NDUFAF5: variants seen among roughly 807,000 people sequenced by gnomAD.
NDUFAF5 encodes arginine-hydroxylase NDUFAF5, mitochondrial.
In NDUFAF5, 34 loss-of-function variants were observed where a neutral mutation model predicts 48.9. The ratio of observed to expected loss-of-function variants is 0.70; its 90% CI spans 0.53 to 0.93. NDUFAF5 has a LOEUF of 0.93. NDUFAF5 is among the 40% of genes least tolerant of loss of function. The probability of loss-of-function intolerance (pLI) is 0.00; values close to 1 mark genes in which losing one functional copy is unlikely to be tolerated. For synonymous variants in NDUFAF5, 153 were observed against 150.6 expected (o/e 1.02, Z -0.12); for missense variants, 428 against 427.5 (o/e 1.00, Z -0.01).
rs149455989 is a variant in NDUFAF5 at position 13,804,251 on chromosome 20, C to T, written c.717+2568C>T. Among the ~76,000 whole-genome samples, 785 of 152,104 alleles carry T rather than the reference C, an allele frequency of 5.2e-3. 6 individuals carry two copies. The highest frequency in any genetic ancestry group is 7.7e-3 in the Non-Finnish European group (524 of 67,984). The stretch of plus-strand genomic sequence containing the variant: ...TCATGTCTCCTCTAAAATAACCCAT[C>T]GTAGAATAAGAGGTAAAAAGCCAAA... On this transcript the variant is annotated intron_variant, in intron 7 of 10. Coordinates refer to ENST00000378106, the MANE Select transcript of NDUFAF5 (RefSeq NM_024120.5).
Position 13,785,298 on chromosome 20 carries a change from C to CGCGGGGCTGCGGGGCG in NDUFAF5, c.222+15_222+16insTGCGGGGCGGCGGGGC. 1 of 1,040,674 alleles carries CGCGGGGCTGCGGGGCG rather than the reference C, an allele frequency of 9.6e-7. No individual in the cohort carries two copies. The allele number at this position is 1,040,674 out of a possible 1,614,324, so 64.5% of individuals were successfully genotyped here. A position where few individuals can be genotyped will look rare whatever the true frequency, so the allele number is the denominator to read the frequency against. ...GACTACCTGAAGGAGGAGGTGAGCC[C>CGCGGGGCTGCGGGGCG]GCGGGGCGGCGGGGCGGCGGGGCGG... On this transcript the variant is annotated intron_variant, in intron 1 of 10. Coordinates refer to ENST00000378106, the MANE Select transcript of NDUFAF5 (RefSeq NM_024120.5).
chr20:13,814,029 A>G (rs780951530), intron 8 of NDUFAF5: 5 of 191,132 alleles, frequency 2.6e-5, no homozygotes, highest in Non-Finnish European at 5.5e-5. Context: ...TTTATGAGGA[A>G]GGGAAGACTA....
At chr20:13,803,912 A>G (rs1048628343) in intron 7 of NDUFAF5, among the ~76,000 whole-genome samples, 1 of 151,950 alleles carries the variant, frequency 6.6e-6, no homozygotes, top group African/African-American at 2.4e-5. Flanking sequence ...CAGCCTCCCG[A>G]GCAGCTGGGA....
chr20:13,815,597 T>C (rs1477734482), intron 8 of NDUFAF5, among the ~76,000 whole-genome samples: 1 of 152,226 alleles, frequency 6.6e-6, no homozygotes, highest in Non-Finnish European at 1.5e-5. Flanking sequence ...ATTTTTAAAC[T>C]GTGAAAGAAT....
At chr20:13,788,378 C>G (rs1375219502) in intron 2 of NDUFAF5, among the ~76,000 whole-genome samples, 1 of 152,150 alleles carries the variant, frequency 6.6e-6, no homozygotes, top group East Asian at 1.9e-4. Flanking sequence ...GGAAAGCTGG[C>G]TCATCACAAG....
chr20:13,808,791 G>A, intron 7 of NDUFAF5, 51 bp from the exon 8 acceptor site: 1 of 1,301,224 alleles, frequency 7.7e-7, no homozygotes, highest in Non-Finnish European at 1.1e-6. Context: ...TTTAAATCTG[G>A]AATTTTGTAT....
intron 6 of NDUFAF5, among the ~76,000 whole-genome samples, chr20:13,799,264 A>G (rs757112537): frequency 3.3e-5 from 5 of 152,138 alleles, no homozygotes; most frequent in Non-Finnish European, 7.4e-5. Flanking sequence ...TGAAGAGGAA[A>G]ATGACATCAT....
chr20:13,816,158 G>A, intron 8 of NDUFAF5: 1 of 428,936 alleles, frequency 2.3e-6, no homozygotes, highest in Non-Finnish European at 4.4e-6. Flanking sequence ...CTCACCTGGG[G>A]TGGCAGTCAC....
At chr20:13,805,165 T>C (rs1037169128) in intron 7 of NDUFAF5, among the ~76,000 whole-genome samples, 2 of 151,694 alleles carry the variant, frequency 1.3e-5, no homozygotes, top group African/African-American at 4.8e-5. Flanking sequence ...GCTGGGATGG[T>C]GTGGCGATGT....
chr20:13,790,363 T>G (rs1321773557), intron 3 of NDUFAF5, among the ~76,000 whole-genome samples: 1 of 152,152 alleles, frequency 6.6e-6, no homozygotes, highest in Non-Finnish European at 1.5e-5. Flanking sequence ...TTTTATTGAT[T>G]CCTCTTATAT....
chr20:13,787,065 A>G (rs1367535434), intron 1 of NDUFAF5: 80 of 508,242 alleles, frequency 1.6e-4, no homozygotes, highest in South Asian at 2.6e-4. Flanking sequence ...ACATATATAT[A>G]TGTGTGTGTG....
Position 13,785,101 on chromosome 20 carries a change from T to G in NDUFAF5, c.33T>G (p.Cys11Trp). Residue 11 changes from cysteine (C) to tryptophan (W), a missense_variant, in exon 1 of 11, where the codon TGT becomes TGG. Coordinates refer to ENST00000378106, the MANE Select transcript of NDUFAF5 (RefSeq NM_024120.5). MLRPAGLWRL[C>W]RRPWAARVPA... Reference sequence around the variant, plus strand: ...GGCCGGCAGGGCTCTGGCGCTTATGTCGGCGACCTTGGGCGGCGAGGGTCC... The same window carrying G: ...GGCCGGCAGGGCTCTGGCGCTTATGGCGGCGACCTTGGGCGGCGAGGGTCC... 1 of 1,613,338 alleles carries G rather than the reference T, an allele frequency of 6.2e-7. No individual in the cohort carries two copies. The highest frequency in any genetic ancestry group is 1.1e-5 in the South Asian group (1 of 91,050).
chr20:13,819,269 AC>A lies in NDUFAF5; in HGVS notation c.*2060del, dbSNP rs1986816385. ...AGAGCTCATCCTTTTAAGCAATGAA[AC>A]TTTTAAAAGGTCTTTATCAAAAATT... is the stretch of plus-strand genomic sequence containing the variant. On this transcript the variant is annotated 3_prime_UTR_variant, in exon 11 of 11. Coordinates refer to ENST00000378106, the MANE Select transcript of NDUFAF5 (RefSeq NM_024120.5). The A allele has an allele frequency of 6.6e-6, 1 of 152,242 alleles. No homozygotes were observed. The highest frequency in any genetic ancestry group is 1.5e-5 in the Non-Finnish European group (1 of 68,040). The allele number at this position is 152,242 out of a possible 1,614,324, so 9.4% of individuals were successfully genotyped here. A position where few individuals can be genotyped will look rare whatever the true frequency, so the allele number is the denominator to read the frequency against.
At chr20:13,809,145 A>C (rs1352397927) in intron 8 of NDUFAF5, 1 of 542,576 alleles carries the variant, frequency 1.8e-6, no homozygotes, top group African/African-American at 1.9e-5. Flanking sequence ...AATTATGGTC[A>C]GTGCTATGAA....
chr20:13,787,224 T>C (rs2147477713), intron 1 of NDUFAF5, 88 bp from the exon 2 acceptor site: 9 of 1,418,666 alleles, frequency 6.3e-6, no homozygotes, highest in East Asian at 2.3e-5. Context: ...GAAGTACTTA[T>C]TTTAAAACAT....
At position 13,785,201 on chromosome 20, in the gene NDUFAF5, A is replaced by C; in HGVS notation, c.133A>C (p.Asn45His). 1 of 1,613,862 alleles carries C rather than the reference A, an allele frequency of 6.2e-7. No homozygotes were observed. Among genetic ancestry groups the C allele is most frequent in the African/African-American group, 1.3e-5 (1 of 75,060 alleles). ...CGGTAGCACCTCGCCCAGAACCCTGAATATTTTCGACCGGGATTTGAAAAG... is the reference window on the plus strand; with the variant it reads ...CGGTAGCACCTCGCCCAGAACCCTGCATATTTTCGACCGGGATTTGAAAAG... Reference protein sequence around the residue: ...PRGSTSPRTLNIFDRDLKRKQ... With the variant: ...PRGSTSPRTLHIFDRDLKRKQ... Residue 45 changes from asparagine to histidine, a missense_variant, in exon 1 of 11, where the codon AAT (asparagine) becomes CAT (histidine). Physicochemically the swap from Asn to His is moderately conservative, Grantham distance 68 (BLOSUM62 1). Coordinates refer to ENST00000378106, the MANE Select transcript of NDUFAF5 (RefSeq NM_024120.5).
chr20:13,816,880 T>C lies in NDUFAF5; in HGVS notation c.868T>C (p.Tyr290His). 1.2e-6 allele frequency: 2 copies of C among 1,604,458 alleles called. No homozygotes were observed. The highest frequency in any genetic ancestry group is 1.7e-6 in the Non-Finnish European group (2 of 1,171,222). Residue 290 changes from tyrosine to histidine, a missense_variant, in exon 10 of 11, where the codon TAC (tyrosine) becomes CAC (histidine). Coordinates refer to ENST00000378106, the MANE Select transcript of NDUFAF5 (RefSeq NM_024120.5). The part of the protein sequence containing the change: ...LAAAAVYREM[Y>H]RNEDGSVPAT... Reference sequence around the variant, plus strand: ...AACCATTATTGTCTTTTTAGAAATGTACAGAAATGAAGATGGTTCAGTACC... The same window carrying C: ...AACCATTATTGTCTTTTTAGAAATGCACAGAAATGAAGATGGTTCAGTACC...
Position 13,785,129 on chromosome 20 carries a change from G to T in NDUFAF5, c.61G>T (p.Ala21Ser). 1 of 1,613,962 alleles carries T rather than the reference G, an allele frequency of 6.2e-7. No individual in the cohort carries two copies. Among genetic ancestry groups the T allele is most frequent in the Non-Finnish European group, 8.5e-7 (1 of 1,179,980 alleles). The change falls in exon 1 of 11, where the codon GCG (alanine) becomes TCG (serine). Residue 21 changes from alanine (A) to serine (S), a missense_variant. Coordinates refer to ENST00000378106, the MANE Select transcript of NDUFAF5 (RefSeq NM_024120.5). ...GCGACCTTGGGCGGCGAGGGTCCCA[G>T]CGGAGAATCTTGGCCGTAGGGAAGT... The part of the protein sequence containing the change: ...CRRPWAARVP[A>S]ENLGRREVTS...
intron 7 of NDUFAF5, among the ~76,000 whole-genome samples, chr20:13,805,602 C>T (rs893427060): frequency 1.3e-5 from 2 of 151,894 alleles, no homozygotes; most frequent in Non-Finnish European, 2.9e-5. Context: ...TACATTTATC[C>T]TGTGAGGCAT....
Sources: gnomAD v4.1 joint callset for allele counts (sites outside exome capture counted in the v4.1 genomes callset) on GRCh38, gnomAD v4.1.1 for gene constraint, MANE v1.5 for transcripts, NCBI Gene and HGNC (gene_info 2026-07-23, HGNC 2026-07-21) for gene names.